FNDC3B: variants seen among roughly 807,000 people sequenced by gnomAD.
FNDC3B encodes the protein fibronectin type III domain containing 3B.
Under a neutral mutation model 151.5 loss-of-function variants are expected in FNDC3B, and 12 were observed. The ratio of observed to expected loss-of-function variants is 0.08; its 90% CI spans 0.05 to 0.13. The LOEUF is 0.13. Among genes scored for constraint, FNDC3B ranks in the 10% least tolerant of loss-of-function variants. The pLI is 1.00. For missense variants in FNDC3B, 1,214 were observed against 1,505.3 expected (o/e 0.81, Z 3.20); for synonymous variants, 528 against 549.0 (o/e 0.96, Z 0.54).
chr3:172,268,532 A>G (rs1171612988), intron 6 of FNDC3B, among the ~76,000 whole-genome samples: 1 of 152,254 alleles, frequency 6.6e-6, no homozygotes, highest in Non-Finnish European at 1.5e-5. Flanking sequence ...GCAGATACAA[A>G]TACCATGACA....
chr3:172,176,946 A>G (rs183356958), intron 3 of FNDC3B, among the ~76,000 whole-genome samples: 181 of 152,244 alleles, frequency 1.2e-3, no homozygotes, highest in African/African-American at 4.2e-3. Context: ...CAGTGGATGG[A>G]AAATTACTAA....
chr3:172,285,417 T>C (rs1729956418), intron 6 of FNDC3B, among the ~76,000 whole-genome samples: 1 of 152,206 alleles, frequency 6.6e-6, no homozygotes. Context: ...ATCATATCTG[T>C]CCCTTTTCTT....
chr3:172,153,058 T>C (rs1383605778), intron 3 of FNDC3B, among the ~76,000 whole-genome samples: 1 of 152,182 alleles, frequency 6.6e-6, no homozygotes, highest in African/African-American at 2.4e-5. Flanking sequence ...TTTTCCATCC[T>C]GACTCATGGG....
chr3:172,097,739 C>T (rs1163982879), intron 1 of FNDC3B, among the ~76,000 whole-genome samples: 2 of 152,148 alleles, frequency 1.3e-5, no homozygotes, highest in African/African-American at 4.8e-5. Context: ...ATTGTGAACA[C>T]TTCCTCATAG....
At chr3:172,232,181 A>T (rs13060354) in intron 4 of FNDC3B, among the ~76,000 whole-genome samples, 8 of 151,918 alleles carry the variant, frequency 5.3e-5, no homozygotes, top group Admixed American at 4.6e-4. Flanking sequence ...ACACCCTGCC[A>T]GTATGGTCTT....
chr3:172,216,377 G>C (rs934320286), intron 3 of FNDC3B, among the ~76,000 whole-genome samples: 1 of 152,124 alleles, frequency 6.6e-6, no homozygotes, highest in Admixed American at 6.5e-5. Context: ...ATTTAAATAA[G>C]TTTAACTGGC....
chr3:172,364,235 G>A (rs1734497822), intron 23 of FNDC3B, among the ~76,000 whole-genome samples: 1 of 152,154 alleles, frequency 6.6e-6, no homozygotes, highest in African/African-American at 2.4e-5. Context: ...GAGAGGGCTG[G>A]CAAGAACAGC....
intron 23 of FNDC3B, among the ~76,000 whole-genome samples, chr3:172,368,520 A>G (rs1008199720): frequency 3.9e-5 from 6 of 152,190 alleles, no homozygotes; most frequent in Admixed American, 3.9e-4. Flanking sequence ...TGACATTTTC[A>G]TATGACATCC....
At chr3:172,317,112 A>T (rs759722406) in intron 11 of FNDC3B, 1 of 445,084 alleles carries the variant, frequency 2.2e-6, no homozygotes, top group Non-Finnish European at 4.5e-6. Context: ...CTTGTGACCT[A>T]ATCACCTTTT....
intron 3 of FNDC3B, among the ~76,000 whole-genome samples, chr3:172,199,893 A>G (rs1452809951): frequency 6.6e-6 from 1 of 152,258 alleles, no homozygotes; most frequent in African/African-American, 2.4e-5. Flanking sequence ...CTGCCACCAC[A>G]CAGTTTACAA....
At chr3:172,307,251 A>G (rs1731243868) in intron 9 of FNDC3B, 112 bp from the exon 10 acceptor site, 1 of 1,089,796 alleles carries the variant, frequency 9.2e-7, no homozygotes, top group Admixed American at 1.8e-5. Flanking sequence ...CATGATACTC[A>G]CTCCGTAAGA....
chr3:172,236,410 A>T (rs1727166318), intron 4 of FNDC3B, among the ~76,000 whole-genome samples: 1 of 152,178 alleles, frequency 6.6e-6, no homozygotes, highest in Non-Finnish European at 1.5e-5. Flanking sequence ...TAGGACTGTG[A>T]TGCTGCTTAT....
intron 4 of FNDC3B, among the ~76,000 whole-genome samples, chr3:172,234,666 C>G (rs1223026768): frequency 1.3e-5 from 2 of 152,144 alleles, no homozygotes; most frequent in African/African-American, 2.4e-5. Flanking sequence ...AATTGATTTT[C>G]ATAGTAGGAT....
intron 1 of FNDC3B, among the ~76,000 whole-genome samples, chr3:172,099,260 G>T (rs916450355): frequency 1.3e-5 from 2 of 151,950 alleles, no homozygotes; most frequent in Non-Finnish European, 2.9e-5. Context: ...TGAAACTTGA[G>T]GTTCTCATTT....
intron 23 of FNDC3B, among the ~76,000 whole-genome samples, chr3:172,377,208 T>C (rs1735194238): frequency 6.6e-6 from 1 of 152,232 alleles, no homozygotes; most frequent in African/African-American, 2.4e-5. Flanking sequence ...CAGTGGATTG[T>C]CCTCAGATGC....
At chr3:172,382,224 G>A (rs1246471167) in intron 25 of FNDC3B, among the ~76,000 whole-genome samples, 2 of 152,204 alleles carry the variant, frequency 1.3e-5, no homozygotes, top group Non-Finnish European at 2.9e-5. Flanking sequence ...AATGACAAGT[G>A]ATGACGAGCT....
chr3:172,331,628 G>A (rs1018018800), intron 13 of FNDC3B, among the ~76,000 whole-genome samples: 19 of 152,052 alleles, frequency 1.2e-4, no homozygotes, highest in African/African-American at 4.6e-4. Flanking sequence ...CCAAAGTGCT[G>A]GGATTACAGG....
chr3:172,297,955 T>C (rs1730725001), intron 8 of FNDC3B, among the ~76,000 whole-genome samples: 1 of 152,250 alleles, frequency 6.6e-6, no homozygotes, highest in African/African-American at 2.4e-5. Context: ...ATAATGCCTG[T>C]TATATTTTGA....
rs1365879522 is a variant in FNDC3B, at chr3:172,247,730, G to T, written c.462G>T (p.Gln154His). 1 of 1,613,964 alleles carries T rather than the reference G, an allele frequency of 6.2e-7. No individual in the cohort carries two copies. Among genetic ancestry groups the T allele is most frequent in the Admixed American group, 1.7e-5 (1 of 59,986 alleles). ...CCGGACCTGGAGATATGCCGCCTCAGTTTTTTCCCCAGCATCATCTTCCCC... is the reference window on the plus strand; with the variant it reads ...CCGGACCTGGAGATATGCCGCCTCATTTTTTTCCCCAGCATCATCTTCCCC... The part of the protein sequence containing the change: ...PVTGPGDMPP[Q>H]FFPQHHLPHT... The change falls in exon 5 of 26, where the codon CAG (glutamine) becomes CAT (histidine). Residue 154 changes from glutamine to histidine, a missense_variant. Physicochemically the swap from Gln to His is conservative, Grantham distance 24. Transcript: ENST00000415807.
Sources: gnomAD v4.1 joint callset for allele counts (sites outside exome capture counted in the v4.1 genomes callset) on GRCh38, gnomAD v4.1.1 for gene constraint, MANE v1.5 for transcripts, NCBI Gene and HGNC (gene_info 2026-07-23, HGNC 2026-07-21) for gene names.